Variants in LRP1B observed in about 807,000 individuals in gnomAD.
The protein encoded by LRP1B is LDL receptor related protein 1B, also known as low-density lipoprotein receptor-related protein 1B.
A neutral mutation model predicts 556.6 loss-of-function variants in LRP1B; 217 were observed. That is an observed-to-expected ratio of 0.39 (90% confidence interval 0.35 to 0.44). The LOEUF (loss-of-function observed/expected upper bound fraction) is 0.44, where lower values mean the gene tolerates loss of function less well. Ranked by LOEUF, LRP1B falls within the 20% of genes least tolerant of loss-of-function variation. The pLI is 1.00. For missense variants in LRP1B, 5,053 were observed against 5,620.8 expected (o/e 0.90, Z 3.23); for synonymous variants, 2,047 against 1,865.8 (o/e 1.10, Z -2.50).
At chr2:141,533,749 A>G (rs1684971758) in intron 2 of LRP1B, among the ~76,000 whole-genome samples, 1 of 152,090 alleles carries the variant, frequency 6.6e-6, no homozygotes, top group African/African-American at 2.4e-5. Context: ...TTTTGTTACA[A>G]TGCACAGGTC....
chr2:142,118,676 T>C (rs1329137330), intron 1 of LRP1B, among the ~76,000 whole-genome samples: 1 of 152,138 alleles, frequency 6.6e-6, no homozygotes, highest in Non-Finnish European at 1.5e-5. Flanking sequence ...GGGGCATAAA[T>C]CATACCTCGT....
chr2:140,464,739 C>T (rs189721322), intron 60 of LRP1B, among the ~76,000 whole-genome samples: 1 of 152,130 alleles, frequency 6.6e-6, no homozygotes, highest in African/African-American at 2.4e-5. Flanking sequence ...ACTATAAGTA[C>T]TTACTATAAG....
At chr2:142,008,220 G>T (rs547278628) in intron 1 of LRP1B, among the ~76,000 whole-genome samples, 4 of 152,170 alleles carry the variant, frequency 2.6e-5, no homozygotes, top group African/African-American at 9.7e-5. Flanking sequence ...AAGATCCTCT[G>T]TCTTCTATAG....
rs549879088 is a variant in LRP1B at position 141,432,830 on chromosome 2, A to G, written c.343+47566T>C. Among the ~76,000 whole-genome samples, 7 of 144,432 alleles carry G rather than the reference A, an allele frequency of 4.8e-5. No individual in the cohort carries two copies. In the East Asian group the frequency reaches 1.7e-3, roughly 36 times the overall value. The allele number at this position is 144,432 out of a possible 152,430, so 94.8% of individuals were successfully genotyped here. On this transcript the variant is annotated intron_variant, in intron 3 of 90. Transcript: ENST00000389484. The stretch of plus-strand genomic sequence containing the variant: ...GGTCAAGTTAAACTTGCTGATTGCA[A>G]TTTATTTCAAACTTCCGATTTCATG...
At chr2:140,245,107 T>C (rs939905202) in intron 87 of LRP1B, among the ~76,000 whole-genome samples, 2 of 151,524 alleles carry the variant, frequency 1.3e-5, no homozygotes, top group East Asian at 3.9e-4. Flanking sequence ...ATGTAGCTAA[T>C]AGCCCTTTCA....
At chr2:141,114,138 C>T (rs1700821648) in intron 7 of LRP1B, among the ~76,000 whole-genome samples, 2 of 152,212 alleles carry the variant, frequency 1.3e-5, no homozygotes, top group African/African-American at 4.8e-5. Context: ...GCTCAAACCC[C>T]TTATGGGAGA....
intron 2 of LRP1B, among the ~76,000 whole-genome samples, chr2:141,538,471 T>C (rs1211934829): frequency 6.6e-6 from 1 of 152,036 alleles, no homozygotes; most frequent in Non-Finnish European, 1.5e-5. Context: ...CTCATTATTC[T>C]AGCAATCTAT....
intron 35 of LRP1B, among the ~76,000 whole-genome samples, chr2:140,757,241 C>A (rs913462417): frequency 3.9e-5 from 6 of 152,138 alleles, no homozygotes; most frequent in African/African-American, 1.2e-4. Flanking sequence ...AACAATCTGG[C>A]GGTTCTTCCA....
At chr2:141,851,861 C>G (rs1697869290) in intron 1 of LRP1B, among the ~76,000 whole-genome samples, 1 of 151,696 alleles carries the variant, frequency 6.6e-6, no homozygotes, top group Non-Finnish European at 1.5e-5. Flanking sequence ...TTAGGCTAGA[C>G]TTTTCTGATA....
intron 25 of LRP1B, among the ~76,000 whole-genome samples, chr2:140,870,574 GAAAAA>G (rs1693097320): frequency 1.3e-5 from 2 of 152,042 alleles, no homozygotes; most frequent in African/African-American, 4.8e-5. Context: ...GAGAGGGAGT[GAAAAA>G]TTCCCTTTGC....
intron 4 of LRP1B, among the ~76,000 whole-genome samples, chr2:141,250,260 G>A (rs1206683382): frequency 6.6e-6 from 1 of 152,144 alleles, no homozygotes; most frequent in Non-Finnish European, 1.5e-5. Flanking sequence ...GTGACTCAGG[G>A]TGGGGCCCCT....
chr2:140,328,880 A>G (rs1268280403), intron 79 of LRP1B, among the ~76,000 whole-genome samples: 1 of 152,038 alleles, frequency 6.6e-6, no homozygotes, highest in Non-Finnish European at 1.5e-5. Flanking sequence ...CAGCAAAATA[A>G]TCCTAACATT....
intron 1 of LRP1B, among the ~76,000 whole-genome samples, chr2:141,858,225 C>T (rs1250161499): frequency 6.6e-6 from 1 of 152,118 alleles, no homozygotes; most frequent in African/African-American, 2.4e-5. Context: ...TTGCCATTTA[C>T]TCCCATATTC....
At chr2:141,361,449 T>TACTC (rs1688824048) in intron 3 of LRP1B, among the ~76,000 whole-genome samples, 1 of 152,170 alleles carries the variant, frequency 6.6e-6, no homozygotes, top group Admixed American at 6.5e-5. Flanking sequence ...ATACAAATTC[T>TACTC]ACTCATTCAA....
intron 11 of LRP1B, among the ~76,000 whole-genome samples, chr2:141,032,432 C>T (rs181762269): frequency 6.6e-6 from 1 of 151,912 alleles, no homozygotes; most frequent in South Asian, 2.1e-4. Context: ...TCTTCAATAC[C>T]AATATAACAA....
chr2:141,471,268 A>ATGTT (rs1553518973), intron 3 of LRP1B, among the ~76,000 whole-genome samples: 914 of 31,664 alleles, frequency 0.029, no homozygotes, highest in Middle Eastern at 0.042. Context: ...ATACCCTGGT[A>ATGTT]TTTTTTTTTT....
chr2:141,636,004 G>T (rs1407110693), intron 2 of LRP1B, among the ~76,000 whole-genome samples: 1 of 152,024 alleles, frequency 6.6e-6, no homozygotes, highest in East Asian at 1.9e-4. Flanking sequence ...ACACATTCCT[G>T]CTGATCCTTG....
At position 141,009,037 on chromosome 2, in the gene LRP1B, C is replaced by G. The variant is rs767467732; in HGVS notation, c.2381-3580G>C. On this transcript the variant is annotated intron_variant, in intron 14 of 90. Transcript: ENST00000389484. Reference sequence around the variant, plus strand: ...CGCAAAAGAATTCCATTGTTTCAGTCTTTCCTTAATCTGAATTTTCTTCAA... The same window carrying G: ...CGCAAAAGAATTCCATTGTTTCAGTGTTTCCTTAATCTGAATTTTCTTCAA... 7.2e-5 allele frequency among the ~76,000 whole-genome samples: 11 copies of G among 152,026 alleles called. 1 individual carries two copies. In the South Asian group the frequency reaches 2.3e-3, roughly 32 times the overall value.
intron 67 of LRP1B, among the ~76,000 whole-genome samples, chr2:140,385,389 T>C (rs1022271059): frequency 9.9e-5 from 15 of 152,198 alleles, no homozygotes; most frequent in Admixed American, 1.3e-4. Context: ...AGAAGACAGA[T>C]GATAACAATA....
Sources: gnomAD v4.1 joint callset for allele counts (sites outside exome capture counted in the v4.1 genomes callset) on GRCh38, gnomAD v4.1.1 for gene constraint, MANE v1.5 for transcripts, NCBI Gene and HGNC (gene_info 2026-07-23, HGNC 2026-07-21) for gene names.